ELK3: variants seen among roughly 807,000 people sequenced by gnomAD.
The protein encoded by ELK3 is ETS transcription factor ELK3.
ELK3 carries 10 observed loss-of-function variants against 28.9 expected under a neutral mutation model. That is an observed-to-expected ratio of 0.35 (90% confidence interval 0.21 to 0.59). The LOEUF (loss-of-function observed/expected upper bound fraction) is 0.59, where lower values mean the gene tolerates loss of function less well. Ranked by LOEUF, ELK3 falls within the 20% of genes least tolerant of loss-of-function variation. ELK3 has a pLI of 0.82. For missense variants in ELK3, 463 were observed against 517.3 expected, an observed-to-expected ratio of 0.90 and a Z score of 1.02; for synonymous variants, 272 against 243.5, an observed-to-expected ratio of 1.12 and a Z score of -1.09.
Position 96,223,551 on chromosome 12 carries a change from T to G in ELK3, c.-2-14T>G, listed in dbSNP as rs199758267. On this transcript the variant is annotated splice_polypyrimidine_tract_variant and intron_variant, in intron 1 of 4. Coordinates refer to ENST00000228741, the MANE Select transcript of ELK3 (RefSeq NM_005230.4). ...CGTGACCAGCAGCTCTGACCTGGCC[T>G]CCTCTCCCTGCAGGTATGGAGAGTG... The G allele has an allele frequency of 1.7e-5, 27 of 1,613,134 alleles. No homozygotes were observed. The African/African-American group carries it at 3.3e-4, about 20-fold the overall frequency.
At chr12:96,244,662 G>A (rs979250446) in intron 2 of ELK3, among the ~76,000 whole-genome samples, 7 of 152,018 alleles carry the variant, frequency 4.6e-5, no homozygotes, top group African/African-American at 1.7e-4. Context: ...TTTTTCCCCA[G>A]GGAGAAAAAT....
chr12:96,225,744 T>C (rs997927702), intron 2 of ELK3, among the ~76,000 whole-genome samples: 1 of 152,222 alleles, frequency 6.6e-6, no homozygotes, highest in African/African-American at 2.4e-5. Flanking sequence ...CCCTGCCTTC[T>C]GGGCCATTCA....
intron 1 of ELK3, among the ~76,000 whole-genome samples, chr12:96,210,487 G>A (rs761011958): frequency 1.4e-4 from 21 of 151,872 alleles, no homozygotes; most frequent in Non-Finnish European, 2.9e-4. Flanking sequence ...CATGTTTGGG[G>A]CCCCTCTTGG....
At chr12:96,250,655 C>T (rs1265914157) in intron 3 of ELK3, among the ~76,000 whole-genome samples, 1 of 152,232 alleles carries the variant, frequency 6.6e-6, no homozygotes, top group African/African-American at 2.4e-5. Flanking sequence ...CCACAGGCAG[C>T]AGTGAGGCTT....
chr12:96,249,428 G>A (rs1951885876), intron 3 of ELK3, among the ~76,000 whole-genome samples: 1 of 152,118 alleles, frequency 6.6e-6, no homozygotes, highest in Admixed American at 6.5e-5. Context: ...AGGTCAGAGT[G>A]AGCACGTGTG....
intron 2 of ELK3, chr12:96,223,998 T>A: frequency 1.8e-6 from 1 of 540,578 alleles, no homozygotes; most frequent in Non-Finnish European, 3.3e-6. Flanking sequence ...TTCTGCATTT[T>A]CGTCTGAGTT....
chr12:96,247,172 C>A lies in ELK3; in HGVS notation c.440C>A (p.Thr147Asn), dbSNP rs780963033. The change falls in exon 3 of 5, where the codon ACC becomes AAC. Residue 147 changes from threonine (T) to asparagine (N), a missense_variant. By Grantham distance (65) the Thr-to-Asn change is moderately conservative. Around this residue, in one of 2 missense-constraint regions of ELK3, gnomAD observed 408 missense variants for 414.8 expected, o/e 0.98. Transcript: ENST00000228741. This position sits in a 1 kb window ranked among gnomAD's most constrained non-coding sequence, Gnocchi z 5.5. Reference sequence around the variant, plus strand: ...CACTCAGGCCTGTACTCGTCCTTCACCATTAATTCCCTGCAGAACCCACCA... The same window carrying A: ...CACTCAGGCCTGTACTCGTCCTTCAACATTAATTCCCTGCAGAACCCACCA... ...YIHSGLYSSFTINSLQNPPDA... is the reference protein window; with the variant it reads ...YIHSGLYSSFNINSLQNPPDA... The A allele has an allele frequency of 1.2e-6, 2 of 1,613,972 alleles. No individual in the cohort carries two copies. Among genetic ancestry groups the A allele is most frequent in the African/African-American group, 2.7e-5 (2 of 74,930 alleles).
intron 2 of ELK3, among the ~76,000 whole-genome samples, chr12:96,239,198 TTTAAGA>T (rs1453929084): frequency 2.0e-5 from 3 of 152,360 alleles, no homozygotes; most frequent in South Asian, 4.1e-4. Context: ...GTATACCTCT[TTTAAGA>T]TTAATTTTTC....
rs376350812 is a variant in ELK3, at chr12:96,247,322, C to A, written c.590C>A (p.Pro197Gln). The A allele has an allele frequency of 3.7e-6, 6 of 1,614,244 alleles. No homozygotes were observed. Among genetic ancestry groups the A allele is most frequent in the Admixed American group, 1.7e-5 (1 of 60,032 alleles). ...AAAACCGACAAGCACGTCACCAGGC[C>A]GGTGGTGTCCCTGCCTTCCACGTCA... ...TNKTDKHVTR[P>Q]VVSLPSTSEA... The change falls in exon 3 of 5, where the codon CCG becomes CAG. Residue 197 changes from proline (P) to glutamine (Q), a missense_variant. Coordinates refer to ENST00000228741, the MANE Select transcript of ELK3 (RefSeq NM_005230.4). The surrounding 1 kb of genome is among the most constrained non-coding windows in gnomAD (Gnocchi z 5.5).
In ELK3 at chr12:96,269,274, C is replaced by T. The variant is rs1952066787; in HGVS notation, c.*2094C>T. On this transcript the variant is annotated 3_prime_UTR_variant, in exon 5 of 5. Coordinates refer to ENST00000228741, the MANE Select transcript of ELK3 (RefSeq NM_005230.4). ...AAAACTGTGTTGTCAGATAAGAGAA[C>T]ACATCCAAAATGCATGATTCTTACA... The T allele has an allele frequency of 6.6e-6, 1 of 152,178 alleles. No individual in the cohort carries two copies. The highest frequency in any genetic ancestry group is 2.1e-4 in the South Asian group (1 of 4,828). 9.4% of individuals were successfully genotyped at this position (152,178 alleles called of 1,614,324 possible).
chr12:96,213,124 G>A (rs1417665007), intron 1 of ELK3, among the ~76,000 whole-genome samples: 1 of 152,158 alleles, frequency 6.6e-6, no homozygotes. Flanking sequence ...ATATACGAAG[G>A]GGGCATAGAA....
At position 96,247,355 on chromosome 12, in the gene ELK3, C is replaced by T. The variant is rs142890783; in HGVS notation, c.623C>T (p.Ala208Val). 3.7e-4 allele frequency: 604 copies of T among 1,614,168 alleles called. 3 individuals are homozygous for T. In the African/African-American group the frequency reaches 6.9e-3, roughly 18 times the overall value. The change falls in exon 3 of 5, where the codon GCG becomes GTG. Residue 208 changes from alanine to valine, a missense_variant. This residue lies in a region of ELK3 where 408 missense variants were observed against 414.8 expected (regional missense o/e 0.98). Coordinates refer to ENST00000228741, the MANE Select transcript of ELK3 (RefSeq NM_005230.4). The surrounding 1 kb of genome is among the most constrained non-coding windows in gnomAD (Gnocchi z 5.5). ...TCCCTGCCTTCCACGTCAGAGGCTG[C>T]GGCGGCGTCCGCCTTCCTGGCCTCG... ...VVSLPSTSEAAAASAFLASSV... is the reference protein window; with the variant it reads ...VVSLPSTSEAVAASAFLASSV...
intron 1 of ELK3, among the ~76,000 whole-genome samples, chr12:96,206,370 G>A (rs368108451): frequency 1.1e-4 from 16 of 151,202 alleles, no homozygotes; most frequent in East Asian, 3.9e-4. Flanking sequence ...AGGCTGGAGC[G>A]CAGTGGCGCG....
chr12:96,203,731 A>G (rs1222368268), intron 1 of ELK3, among the ~76,000 whole-genome samples: 1 of 152,234 alleles, frequency 6.6e-6, no homozygotes, highest in Non-Finnish European at 1.5e-5. Flanking sequence ...ACTTGAGGTT[A>G]GAAGTTCGAT....
At chr12:96,207,708 A>G (rs1423661505) in intron 1 of ELK3, among the ~76,000 whole-genome samples, 1 of 152,188 alleles carries the variant, frequency 6.6e-6, no homozygotes, top group African/African-American at 2.4e-5. Flanking sequence ...ACTCATAACC[A>G]TTTTTGCAAG....
Position 96,251,521 on chromosome 12 carries a change from G to A in ELK3, c.1002+3787G>A, listed in dbSNP as rs1951906439. 2.6e-5 allele frequency among the ~76,000 whole-genome samples: 4 copies of A among 152,156 alleles called. No individual in the cohort carries two copies. The South Asian group carries it at 6.2e-4, about 24-fold the overall frequency. ...TGACGGTGAAGGCATGTCCAAAACC[G>A]AGACAGGCCTAAAGCTAGGGGGCTC... is the stretch of plus-strand genomic sequence containing the variant. On this transcript the variant is annotated intron_variant, in intron 3 of 4. Transcript: ENST00000228741.
rs1288833732 is a variant in ELK3, at chr12:96,244,029, A to G, written c.208-2911A>G. ...TCAAAAAAAAAAAAAAAAAAAATCT[A>G]TGATTCTGTTTAATGAAATTGAGGC... On this transcript the variant is annotated intron_variant, in intron 2 of 4. Coordinates refer to ENST00000228741, the MANE Select transcript of ELK3 (RefSeq NM_005230.4). Among the ~76,000 whole-genome samples, 7 of 149,752 alleles carry G rather than the reference A, an allele frequency of 4.7e-5. No individual in the cohort carries two copies. In the East Asian group the frequency reaches 1.2e-3, roughly 25 times the overall value.
chr12:96,217,944 A>AATAC, intron 1 of ELK3, among the ~76,000 whole-genome samples: 1 of 151,954 alleles, frequency 6.6e-6, no homozygotes, highest in South Asian at 2.1e-4. Flanking sequence ...TCTCAAAAAA[A>AATAC]AAAAAAAAAA....
chr12:96,196,839 G>T (rs1184421495), intron 1 of ELK3, among the ~76,000 whole-genome samples: 1 of 151,026 alleles, frequency 6.6e-6, no homozygotes, highest in Non-Finnish European at 1.5e-5. Context: ...GGAATGATGG[G>T]GCCCCTTTAT....
Sources: gnomAD v4.1 joint callset for allele counts (sites outside exome capture counted in the v4.1 genomes callset) on GRCh38, gnomAD v4.1.1 for gene constraint, gnomAD v4.1.1 regional missense constraint, Gnocchi (gnomAD v3.1) non-coding constraint, MANE v1.5 for transcripts, NCBI Gene and HGNC (gene_info 2026-07-23, HGNC 2026-07-21) for gene names.